The following WDPCP variants were observed in gnomAD, a reference collection of about 807,000 sequenced individuals.
WDPCP encodes the protein WD repeat-containing and planar cell polarity effector protein fritz homolog.
In WDPCP, 71 loss-of-function variants were observed where a neutral mutation model predicts 93.1. The ratio of observed to expected loss-of-function variants is 0.76; its 90% CI spans 0.63 to 0.93. The LOEUF (loss-of-function observed/expected upper bound fraction) is 0.93, where lower values mean the gene tolerates loss of function less well. WDPCP is among the 40% of genes least tolerant of loss of function. The pLI, the probability that WDPCP is intolerant of heterozygous loss-of-function variation, is 0.00. For missense variants in WDPCP, 844 were observed against 887.4 expected (o/e 0.95, Z 0.62); for synonymous variants, 315 against 315.0 (o/e 1.00, Z 0.00).
At chr2:63,278,165 A>C (rs1683223821) in intron 13 of WDPCP, among the ~76,000 whole-genome samples, 1 of 152,232 alleles carries the variant, frequency 6.6e-6, no homozygotes, top group African/African-American at 2.4e-5. Context: ...TATGATCTTT[A>C]GGTTAACAAT....
At chr2:63,698,145 G>A (rs1668987493) in intron 2 of WDPCP, among the ~76,000 whole-genome samples, 1 of 151,646 alleles carries the variant, frequency 6.6e-6, no homozygotes, top group Non-Finnish European at 1.5e-5. Context: ...TATTAGAGAC[G>A]GGGTTTCACC....
intron 15 of WDPCP, among the ~76,000 whole-genome samples, chr2:63,170,514 C>T (rs1673310259): frequency 6.6e-6 from 1 of 152,100 alleles, no homozygotes; most frequent in Admixed American, 6.6e-5. Flanking sequence ...CTCAGGTGAT[C>T]CGCCTCAGCC....
In WDPCP at chr2:63,567,059, C is replaced by A. The variant is rs570793598; in HGVS notation, c.75+21138G>T. Among the ~76,000 whole-genome samples, 7 of 152,268 alleles carry A rather than the reference C, an allele frequency of 4.6e-5. No individual in the cohort carries two copies. The East Asian group carries it at 1.3e-3, about 29-fold the overall frequency. ...AAAGGTTAGGACAGGGCTTCTATGC[C>A]TTCTACTGGCTTGCCACCCTCCCAG... is the stretch of plus-strand genomic sequence containing the variant. On this transcript the variant is annotated intron_variant, in intron 1 of 17. Coordinates refer to ENST00000272321, the MANE Select transcript of WDPCP (RefSeq NM_015910.7).
intron 6 of WDPCP, among the ~76,000 whole-genome samples, chr2:63,451,291 A>G (rs918008821): frequency 1.3e-5 from 2 of 152,042 alleles, no homozygotes; most frequent in Admixed American, 1.3e-4. Flanking sequence ...AAAACATCCC[A>G]GTCAGACAAA....
intron 2 of WDPCP, among the ~76,000 whole-genome samples, chr2:63,655,867 A>G (rs1293807395): frequency 6.6e-6 from 1 of 152,246 alleles, no homozygotes; most frequent in Non-Finnish European, 1.5e-5. Context: ...CATTGTATGT[A>G]TGCATCATAT....
chr2:63,174,916 T>C, intron 14 of WDPCP, 84 bp from the exon 15 acceptor site: 1 of 1,455,208 alleles, frequency 6.9e-7, no homozygotes, highest in South Asian at 1.1e-5. Context: ...AGAACAACAT[T>C]CACATATCCC....
upstream of WDPCP, among the ~76,000 whole-genome samples, chr2:63,832,255 G>C (rs983913833): frequency 1.4e-4 from 22 of 152,212 alleles, no homozygotes; most frequent in African/African-American, 5.3e-4. Context: ...ACTTCATGTA[G>C]CTTGTCATTT....
chr2:63,396,554 CG>C (rs1049844699), intron 10 of WDPCP, among the ~76,000 whole-genome samples: 52 of 152,194 alleles, frequency 3.4e-4, no homozygotes, highest in African/African-American at 1.3e-3. Flanking sequence ...AAGGAGTGAG[CG>C]TGAGAGCACA....
intron 2 of WDPCP, among the ~76,000 whole-genome samples, chr2:63,697,987 C>T (rs550483585): frequency 1.5e-4 from 20 of 135,858 alleles, no homozygotes; most frequent in East Asian, 1.4e-3. Context: ...CTCGCTCTGT[C>T]GCCTGTTGCC....
intron 2 of WDPCP, among the ~76,000 whole-genome samples, chr2:63,740,503 C>T (rs952407600): frequency 1.3e-5 from 2 of 152,112 alleles, no homozygotes; most frequent in Non-Finnish European, 2.9e-5. Context: ...TTGGGCTTCG[C>T]AACCAATTTG....
At chr2:63,656,916 A>G (rs551604365) in intron 2 of WDPCP, among the ~76,000 whole-genome samples, 1 of 152,360 alleles carries the variant, frequency 6.6e-6, no homozygotes, top group Admixed American at 6.5e-5. Context: ...GCATTTGGTG[A>G]AATGAACAAA....
intron 12 of WDPCP, among the ~76,000 whole-genome samples, chr2:63,370,003 C>T (rs745937836): frequency 6.6e-6 from 1 of 152,034 alleles, no homozygotes; most frequent in African/African-American, 2.4e-5. Flanking sequence ...ACTCACACAC[C>T]CAATTAGCTA....
At chr2:63,328,732 T>G (rs1687756805) in intron 12 of WDPCP, among the ~76,000 whole-genome samples, 1 of 152,174 alleles carries the variant, frequency 6.6e-6, no homozygotes, top group South Asian at 2.1e-4. Context: ...TGTTTTCTAA[T>G]TTTTACTTTT....
chr2:63,786,100 C>T (rs987752451), intron 2 of WDPCP, among the ~76,000 whole-genome samples: 1 of 152,082 alleles, frequency 6.6e-6, no homozygotes, highest in African/African-American at 2.4e-5. Flanking sequence ...AGTGCAGTGG[C>T]GCAATCACAG....
At chr2:63,500,827 A>G (rs1347163979) in intron 1 of WDPCP, among the ~76,000 whole-genome samples, 1 of 152,254 alleles carries the variant, frequency 6.6e-6, no homozygotes, top group Non-Finnish European at 1.5e-5. Flanking sequence ...TGAGTATTAC[A>G]TAACTAATTG....
chr2:63,520,758 T>C (rs1398752257), intron 1 of WDPCP, among the ~76,000 whole-genome samples: 4 of 151,930 alleles, frequency 2.6e-5, no homozygotes, highest in Non-Finnish European at 5.9e-5. Flanking sequence ...TAGCCAGGTA[T>C]GGTGGGATGC....
intron 14 of WDPCP, among the ~76,000 whole-genome samples, chr2:63,184,583 C>T (rs1674485419): frequency 6.6e-6 from 1 of 152,066 alleles, no homozygotes; most frequent in Non-Finnish European, 1.5e-5. Context: ...GAGAAGTCCA[C>T]CGTTAGTCTG....
chr2:63,166,206 A>G (rs1672961546), intron 15 of WDPCP, among the ~76,000 whole-genome samples: 1 of 151,896 alleles, frequency 6.6e-6, no homozygotes, highest in South Asian at 2.1e-4. Flanking sequence ...AGCTGGGACT[A>G]CAGGTGCATG....
chr2:63,545,151 G>A (rs1575616215), intron 1 of WDPCP, among the ~76,000 whole-genome samples: 1 of 152,080 alleles, frequency 6.6e-6, no homozygotes, highest in African/African-American at 2.4e-5. Flanking sequence ...GGGTGCCACG[G>A]CCATGGATTA....
Sources: gnomAD v4.1 joint callset for allele counts (sites outside exome capture counted in the v4.1 genomes callset) on GRCh38, gnomAD v4.1.1 for gene constraint, MANE v1.5 for transcripts, NCBI Gene and HGNC (gene_info 2026-07-23, HGNC 2026-07-21) for gene names.